The following CAD variants were observed in gnomAD, a reference collection of about 807,000 sequenced individuals.
The protein encoded by CAD is multifunctional protein CAD.
CAD carries 81 observed loss-of-function variants against 237.2 expected under a neutral mutation model. That is an observed-to-expected ratio of 0.34 (90% confidence interval 0.29 to 0.41). The LOEUF (loss-of-function observed/expected upper bound fraction) is 0.41. Ranked by LOEUF, CAD falls within the 10% of genes least tolerant of loss-of-function variation. CAD has a pLI of 1.00. For synonymous variants in CAD, 1,196 were observed against 1,162.8 expected (o/e 1.03, Z -0.58); for missense variants, 2,181 against 2,951.7 (o/e 0.74, Z 6.05).
chr2:27,239,119 C>T lies in CAD; in HGVS notation c.5140C>T (p.Leu1714Phe), dbSNP rs373956328. 155 of 1,612,998 alleles carry T rather than the reference C, an allele frequency of 9.6e-5. No individual in the cohort carries two copies. The highest frequency in any genetic ancestry group is 1.3e-4 in the Non-Finnish European group (148 of 1,179,446). The change falls in exon 32 of 44, where the codon CTC becomes TTC. Residue 1714 changes from leucine to phenylalanine, a missense_variant. Leu to Phe is a conservative substitution (Grantham distance 22, BLOSUM62 0). This residue lies in a region of CAD where 478 missense variants were observed against 515.0 expected (regional missense o/e 0.93). Transcript: ENST00000264705. The surrounding 1 kb of genome is among the most constrained non-coding windows in gnomAD (Gnocchi z 4.0). ...FPGLETMLPL[L>F]LTAVSEGRLS... is the part of the protein sequence containing the mutation. ...AGGGTTAGAGACCATGCTGCCACTA[C>T]TCCTGACGGCTGTAAGCGAGGGCCG...
intron 15 of CAD, among the ~76,000 whole-genome samples, 196 bp downstream of exon 15, chr2:27,227,158 G>C (rs1675480779): frequency 6.6e-6 from 1 of 152,228 alleles, no homozygotes; most frequent in Admixed American, 6.5e-5. Flanking sequence ...CTCTGGGATA[G>C]GTGCAAGCCA....
chr2:27,242,672 G>A lies in CAD; in HGVS notation c.6275G>A (p.Cys2092Tyr). Reference sequence around the variant, plus strand: ...GGACGCACAGTACATTCCCTGGCCTGCCTGCTCACCCAGTATCGTGTCAGC... The same window carrying A: ...GGACGCACAGTACATTCCCTGGCCTACCTGCTCACCCAGTATCGTGTCAGC... ...KHGRTVHSLACLLTQYRVSLR... is the reference protein window; with the variant it reads ...KHGRTVHSLAYLLTQYRVSLR... The change falls in exon 41 of 44, where the codon TGC becomes TAC. Residue 2092 changes from cysteine to tyrosine, a missense_variant. Around this residue, in one of 12 missense-constraint regions of CAD, gnomAD observed 170 missense variants for 212.1 expected, o/e 0.80. Transcript: ENST00000264705. The surrounding 1 kb of genome is among the most constrained non-coding windows in gnomAD (Gnocchi z 6.4). 1.2e-6 allele frequency: 2 copies of A among 1,613,534 alleles called. No individual in the cohort carries two copies. Among genetic ancestry groups the A allele is most frequent in the Non-Finnish European group, 8.5e-7 (1 of 1,179,630 alleles).
At chr2:27,223,860 G>T (rs1265230158) in intron 7 of CAD, 57 bp from the exon 8 acceptor site, 22 of 1,549,466 alleles carry the variant, frequency 1.4e-5, no homozygotes, top group Non-Finnish European at 2.0e-5. Flanking sequence ...CCACCTCGAG[G>T]CTGCCAGTGT....
Position 27,224,361 on chromosome 2 carries a change from T to A in CAD, c.1125T>A (p.Thr375=), listed in dbSNP as rs764026299. 6.2e-7 allele frequency: 1 copy of A among 1,614,118 alleles called. No homozygotes were observed. ...CTTCCACAGTTAGAGAGCGGCTGAC[T>A]GAGCGCCTCTGTCCCCCTGGGATTC... ...PGGQTVRERL[T]ERLCPPGIPT... is the part of the protein sequence containing the mutation. Residue 375 remains threonine, a synonymous_variant, in exon 9 of 44, where the codon ACT becomes ACA. Transcript: ENST00000264705.
chr2:27,220,368 C>G, intron 2 of CAD, among the ~76,000 whole-genome samples: 1 of 152,094 alleles, frequency 6.6e-6, no homozygotes, highest in African/African-American at 2.4e-5. Flanking sequence ...AAGAAAGAGG[C>G]GGGGCGCGGT....
chr2:27,224,254 C>G (rs879677974), intron 8 of CAD, 91 bp from the exon 9 acceptor site: 3 of 1,431,056 alleles, frequency 2.1e-6, no homozygotes, highest in Non-Finnish European at 2.9e-6. Context: ...ATAATTTGCT[C>G]TGGACTCTTC....
rs1675452104 is a variant in CAD, at chr2:27,226,554, C to G, written c.2061C>G (p.Leu687=). 3 of 1,614,136 alleles carry G rather than the reference C, an allele frequency of 1.9e-6. No homozygotes were observed. In the East Asian group the frequency reaches 6.7e-5, roughly 36 times the overall value. The part of the protein sequence containing the change: ...QYYIIEVNAR[L]SRSSALASKA... ...ACATCATTGAAGTGAATGCCAGGCT[C>G]TCTCGCAGCTCTGCCCTGGCCAGTA... The change falls in exon 14 of 44, where the codon CTC becomes CTG. Residue 687 remains leucine, a synonymous_variant. Transcript: ENST00000264705.
chr2:27,225,550 C>CCCT (rs112709730), intron 11 of CAD, among the ~76,000 whole-genome samples, 155 bp from the exon 12 acceptor site: 1 of 67,722 alleles, frequency 1.5e-5, no homozygotes, highest in Non-Finnish European at 2.5e-5. Flanking sequence ...AGGTGATCCA[C>CCCT]CCCCCCGACC....
chr2:27,242,083 A>C lies in CAD; in HGVS notation c.6056A>C (p.Asp2019Ala). 6.2e-7 allele frequency: 1 copy of C among 1,613,200 alleles called. No homozygotes were observed. The highest frequency in any genetic ancestry group is 8.5e-7 in the Non-Finnish European group (1 of 1,180,016). The change falls in exon 39 of 44, where the codon GAC becomes GCC. Residue 2019 changes from aspartate to alanine, a missense_variant. Transcript: ENST00000264705. This position sits in a 1 kb window ranked among gnomAD's most constrained non-coding sequence, Gnocchi z 6.4. The part of the protein sequence containing the change: ...DSVQTMSCYA[D>A]VVVLRHPQPG... ...GTGCAGACCATGAGCTGCTATGCCG[A>C]CGTCGTCGTGCTCCGGCACCCCCAG... is the stretch of plus-strand genomic sequence containing the variant.
At position 27,235,126 on chromosome 2, in the gene CAD, G is replaced by C; in HGVS notation, c.3787-119G>C. On this transcript the variant is annotated intron_variant, in intron 23 of 43. Transcript: ENST00000264705. This position sits in a 1 kb window ranked among gnomAD's most constrained non-coding sequence, Gnocchi z 5.2. Reference sequence around the variant, plus strand: ...TGGAAAGCAGGAGGGCACACAGAGAGGGCAGGCTGACCCTGCCATTCAGAT... The same window carrying C: ...TGGAAAGCAGGAGGGCACACAGAGACGGCAGGCTGACCCTGCCATTCAGAT... 1.1e-6 allele frequency: 1 copy of C among 886,376 alleles called. No individual in the cohort carries two copies. The highest frequency in any genetic ancestry group is 1.7e-6 in the Non-Finnish European group (1 of 591,450). 54.9% of individuals were successfully genotyped at this position (886,376 alleles called of 1,614,324 possible). A position where few individuals can be genotyped will look rare whatever the true frequency, so the allele number is the denominator to read the frequency against.
Position 27,217,584 on chromosome 2 carries a change from C to T in CAD, c.33C>T (p.Val11=), listed in dbSNP as rs1178244216. 5.0e-6 allele frequency: 8 copies of T among 1,608,650 alleles called. No individual in the cohort carries two copies. The highest frequency in any genetic ancestry group is 6.8e-6 in the Non-Finnish European group (8 of 1,178,120). Residue 11 remains valine, a synonymous_variant, in exon 1 of 44, where the codon GTC becomes GTT. Transcript: ENST00000264705. ...CCCTAGTGTTGGAGGACGGGTCGGT[C>T]CTGCGGGGCCAGCCCTTTGGGGCCG... is the stretch of plus-strand genomic sequence containing the variant. MAALVLEDGS[V]LRGQPFGAAV...
In CAD at chr2:27,243,514, T is replaced by G. The variant is rs1024181346; in HGVS notation, c.6674T>G (p.Phe2225Cys). Residue 2225 changes from phenylalanine (F) to cysteine (C), a missense_variant, in exon 44 of 44, where the codon TTC becomes TGC. Around this residue, in one of 12 missense-constraint regions of CAD, gnomAD observed 170 missense variants for 212.1 expected, o/e 0.80. Coordinates refer to ENST00000264705, the MANE Select transcript of CAD (RefSeq NM_004341.5). ...CTGTTAGCCACCGTGCTGGGCCGTT[T>G]CTAGGGCCTGGCTTCCTCAGCCTCT... ...MALLATVLGR[F>C] 16 of 1,589,546 alleles carry G rather than the reference T, an allele frequency of 1.0e-5. No individual in the cohort carries two copies. Among genetic ancestry groups the G allele is most frequent in the Admixed American group, 1.8e-5 (1 of 56,002 alleles).
Position 27,236,719 on chromosome 2 carries a change from C to A in CAD, c.4315-30C>A, listed in dbSNP as rs1264777791. On this transcript the variant is annotated intron_variant, in intron 26 of 43. Coordinates refer to ENST00000264705, the MANE Select transcript of CAD (RefSeq NM_004341.5). The surrounding 1 kb of genome is among the most constrained non-coding windows in gnomAD (Gnocchi z 4.1). ...CCCTACAACTCCCAGGATCACCCTTCCCTTAAAGCTGACTGCTTTCCACTT... is the reference window on the plus strand; with the variant it reads ...CCCTACAACTCCCAGGATCACCCTTACCTTAAAGCTGACTGCTTTCCACTT... 6.2e-7 allele frequency: 1 copy of A among 1,607,016 alleles called. No individual in the cohort carries two copies. Among genetic ancestry groups the A allele is most frequent in the Non-Finnish European group, 8.5e-7 (1 of 1,173,532 alleles).
At position 27,241,375 on chromosome 2, in the gene CAD, G is replaced by A. The variant is rs1339933999; in HGVS notation, c.5862G>A (p.Glu1954=). The part of the protein sequence containing the change: ...AHTLRMMVQK[E]RSLDILKGKV... ...CACTGCGTATGATGGTGCAGAAGGA[G>A]CGGAGCCTCGACATCCTGAAGGTCA... Residue 1954 remains glutamate (E), a synonymous_variant, in exon 38 of 44, where the codon GAG becomes GAA. Transcript: ENST00000264705. The surrounding 1 kb of genome is among the most constrained non-coding windows in gnomAD (Gnocchi z 4.6). The A allele has an allele frequency of 6.2e-7, 1 of 1,614,100 alleles. No individual in the cohort carries two copies. Among genetic ancestry groups the A allele is most frequent in the East Asian group, 2.2e-5 (1 of 44,892 alleles).
intron 14 of CAD, 76 bp downstream of exon 14, chr2:27,226,725 T>C: frequency 1.2e-6 from 2 of 1,604,198 alleles, no homozygotes; most frequent in South Asian, 1.1e-5. Context: ...ACAGGGAATA[T>C]GAAAAGGACA....
chr2:27,223,868 T>G (rs200274535), intron 7 of CAD, 49 bp from the exon 8 acceptor site: 1 of 1,547,324 alleles, frequency 6.5e-7, no homozygotes, highest in African/African-American at 1.4e-5. Context: ...AGGCTGCCAG[T>G]GTCATGCCAG....
At chr2:27,229,849 T>C (rs1366972040) in intron 15 of CAD, among the ~76,000 whole-genome samples, 1 of 135,182 alleles carries the variant, frequency 7.4e-6, no homozygotes. Context: ...GACTCCAGCC[T>C]GGGCAACACA....
At position 27,237,023 on chromosome 2, in the gene CAD, T is replaced by C. The variant is rs2148085809; in HGVS notation, c.4396+193T>C. Among the ~76,000 whole-genome samples the C allele has an allele frequency of 6.7e-6, 1 of 150,360 alleles. No homozygotes were observed. Among genetic ancestry groups the C allele is most frequent in the African/African-American group, 2.5e-5 (1 of 40,618 alleles). Reference sequence around the variant, plus strand: ...CAGTGGCCTTGTCTGAGGAATTTTTTTTTTTTTTTTTTTTTTGAGACAGAG... The same window carrying C: ...CAGTGGCCTTGTCTGAGGAATTTTTCTTTTTTTTTTTTTTTTGAGACAGAG... On this transcript the variant is annotated intron_variant, in intron 27 of 43. Coordinates refer to ENST00000264705, the MANE Select transcript of CAD (RefSeq NM_004341.5). The surrounding 1 kb of genome is among the most constrained non-coding windows in gnomAD (Gnocchi z 4.0).
Position 27,222,226 on chromosome 2 carries a change from C to T in CAD, c.385C>T (p.Arg129Trp), listed in dbSNP as rs766834759. Residue 129 changes from arginine to tryptophan, a missense_variant, in exon 4 of 44, where the codon CGG becomes TGG. By Grantham distance (101) the Arg-to-Trp change is moderately radical. Around this residue, in one of 12 missense-constraint regions of CAD, gnomAD observed 314 missense variants for 339.4 expected, o/e 0.93. Transcript: ENST00000264705. Reference sequence around the variant, plus strand: ...CACTCGGGAGCTGACCAAGAAGTTGCGGGAACAGGGGTCTCTGCTGGGGAA... The same window carrying T: ...CACTCGGGAGCTGACCAAGAAGTTGTGGGAACAGGGGTCTCTGCTGGGGAA... The part of the protein sequence containing the change: ...VDTRELTKKL[R>W]EQGSLLGKLV... 1.4e-5 allele frequency: 22 copies of T among 1,613,782 alleles called. 1 individual carries two copies. The Admixed American group carries it at 1.5e-4, about 11-fold the overall frequency.
Sources: gnomAD v4.1 joint callset for allele counts (sites outside exome capture counted in the v4.1 genomes callset) on GRCh38, gnomAD v4.1.1 for gene constraint, gnomAD v4.1.1 regional missense constraint, Gnocchi (gnomAD v3.1) non-coding constraint, MANE v1.5 for transcripts, NCBI Gene and HGNC (gene_info 2026-07-23, HGNC 2026-07-21) for gene names.